Variants in MYO18B observed in about 807,000 individuals in gnomAD.
MYO18B encodes the protein myosin XVIIIB.
In MYO18B, 204 loss-of-function variants were observed where a neutral mutation model predicts 273.0. The observed-to-expected ratio is 0.75, with a 90% confidence interval of 0.67 to 0.84. MYO18B has a LOEUF of 0.84. Among genes scored for constraint, MYO18B ranks in the 40% least tolerant of loss-of-function variants. The pLI is 0.00. For synonymous variants in MYO18B, 1,330 were observed against 1,305.7 expected (o/e 1.02, Z -0.40); for missense variants, 3,212 against 3,287.6 (o/e 0.98, Z 0.56).
chr22:25,973,122 A>C lies in MYO18B; in HGVS notation c.6156+17758A>C, dbSNP rs754068873. ...CACTATCTACTTCCTATTGTTAAGC[A>C]TCACTTTCTTCTTGGTGCTTCCAGT... On this transcript the variant is annotated intron_variant, in intron 39 of 43. Coordinates refer to ENST00000335473, the MANE Select transcript of MYO18B (RefSeq NM_032608.7). Among the ~76,000 whole-genome samples the C allele has an allele frequency of 1.3e-5, 2 of 152,170 alleles. 1 individual carries two copies. The highest frequency in any genetic ancestry group is 4.1e-4 in the South Asian group (2 of 4,830).
intron 39 of MYO18B, among the ~76,000 whole-genome samples, chr22:25,965,501 C>T (rs2092968059): frequency 6.6e-6 from 1 of 152,188 alleles, no homozygotes; most frequent in Non-Finnish European, 1.5e-5. Flanking sequence ...GGATTCCTGG[C>T]TTGTAGTGTT....
At chr22:25,842,128 C>T (rs776925555) in intron 17 of MYO18B, among the ~76,000 whole-genome samples, 46 of 152,214 alleles carry the variant, frequency 3.0e-4, no homozygotes, top group Admixed American at 1.1e-3. Context: ...GCAGATGCCA[C>T]GCCCTTTACT....
chr22:25,877,805 T>C (rs1466357194), intron 24 of MYO18B, among the ~76,000 whole-genome samples, 154 bp from the exon 25 acceptor site: 1 of 152,174 alleles, frequency 6.6e-6, no homozygotes, highest in East Asian at 1.9e-4. Context: ...AAATATACAG[T>C]GCACCATTAT....
At chr22:25,802,262 G>A (rs1260273668) in intron 12 of MYO18B, among the ~76,000 whole-genome samples, 7 of 152,126 alleles carry the variant, frequency 4.6e-5, no homozygotes, top group Admixed American at 3.9e-4. Context: ...ACAGGGCAAG[G>A]GATGGGGAGA....
At chr22:25,801,531 C>T (rs555893936) in intron 12 of MYO18B, among the ~76,000 whole-genome samples, 2 of 152,270 alleles carry the variant, frequency 1.3e-5, no homozygotes, top group South Asian at 4.1e-4. Flanking sequence ...CTGAAGGAGT[C>T]AGTGGCAAAA....
At chr22:25,979,562 T>C (rs1487356411) in intron 39 of MYO18B, among the ~76,000 whole-genome samples, 1 of 152,124 alleles carries the variant, frequency 6.6e-6, no homozygotes, top group Non-Finnish European at 1.5e-5. Context: ...TGGTATCAAC[T>C]TTGAGAAGGT....
rs184741131 is a variant in MYO18B, at chr22:25,880,695, A to G, written c.4314+2647A>G. Among the ~76,000 whole-genome samples the G allele has an allele frequency of 3.7e-4, 56 of 152,364 alleles. 1 individual carries two copies. Among genetic ancestry groups the G allele is most frequent in the Admixed American group, 2.7e-3 (42 of 15,306 alleles). On this transcript the variant is annotated intron_variant, in intron 25 of 43. Coordinates refer to ENST00000335473, the MANE Select transcript of MYO18B (RefSeq NM_032608.7). ...GGAAGGAGGGAAAGTCCCTGTCCTT[A>G]CACAAGGTCTCCAGGCCGATAGAGG...
At chr22:25,983,037 G>C (rs1395755066) in intron 39 of MYO18B, among the ~76,000 whole-genome samples, 1 of 152,126 alleles carries the variant, frequency 6.6e-6, no homozygotes, top group Non-Finnish European at 1.5e-5. Context: ...TACAGAATAG[G>C]GATCTGTAAT....
At chr22:25,869,526 C>G (rs1440006963) in intron 22 of MYO18B, among the ~76,000 whole-genome samples, 7 of 148,216 alleles carry the variant, frequency 4.7e-5, no homozygotes, top group Admixed American at 6.7e-5. Flanking sequence ...TGGAGAGGAA[C>G]AGACCAAAAG....
chr22:25,939,206 GGTAACCCA>G (rs1481898457), intron 34 of MYO18B, among the ~76,000 whole-genome samples: 1 of 152,194 alleles, frequency 6.6e-6, no homozygotes, highest in African/African-American at 2.4e-5. Flanking sequence ...GGTTTTGGGT[GGTAACCCA>G]GTTCAAATTG....
At chr22:26,001,690 C>G (rs1383312646) in intron 40 of MYO18B, among the ~76,000 whole-genome samples, 1 of 152,096 alleles carries the variant, frequency 6.6e-6, no homozygotes, top group African/African-American at 2.4e-5. Context: ...CAGAGTGGGT[C>G]AGAGAGCAGG....
At chr22:25,817,411 C>T (rs902699464) in intron 12 of MYO18B, among the ~76,000 whole-genome samples, 1 of 141,702 alleles carries the variant, frequency 7.1e-6, no homozygotes, top group Non-Finnish European at 1.5e-5. Context: ...TCCTTCCTCC[C>T]TCCCTCTTTT....
At chr22:25,797,043 C>G (rs907822425) in intron 11 of MYO18B, among the ~76,000 whole-genome samples, 2 of 152,178 alleles carry the variant, frequency 1.3e-5, no homozygotes. Flanking sequence ...GCCTGGCCAA[C>G]GTGGTGAAAC....
intron 40 of MYO18B, among the ~76,000 whole-genome samples, chr22:25,997,978 C>CGAGAGAGAGAGAGAGA (rs5844669): frequency 0.014 from 1,964 of 144,520 alleles, 19 homozygotes; most frequent in Non-Finnish European, 0.021. Flanking sequence ...CACACACACA[C>CGAGAGAGAGAGAGAGA]GAGAGAGAGA....
the MYO18B span, among the ~76,000 whole-genome samples, chr22:26,053,370 A>G: frequency 6.6e-6 from 1 of 152,110 alleles, no homozygotes. Context: ...TACTATACCT[A>G]TTTTACAGAG....
the MYO18B span, among the ~76,000 whole-genome samples, chr22:26,060,106 C>T: frequency 6.6e-6 from 1 of 152,232 alleles, no homozygotes; most frequent in Non-Finnish European, 1.5e-5. Context: ...ACATCCCCAG[C>T]GTCCTTTAGT....
In MYO18B at chr22:25,876,464, TG is replaced by T. The variant is rs1413456682; in HGVS notation, c.4224+133del. ...GGAATGCTCAGCCCAACAGCCTTGATGCCCCTTCCAGATGTTCCTCTGCCTC... is the reference window on the plus strand; with the variant it reads ...GGAATGCTCAGCCCAACAGCCTTGATCCCCTTCCAGATGTTCCTCTGCCTC... On this transcript the variant is annotated intron_variant, in intron 24 of 43. Coordinates refer to ENST00000335473, the MANE Select transcript of MYO18B (RefSeq NM_032608.7). The T allele has an allele frequency of 4.1e-6, 4 of 985,530 alleles. No homozygotes were observed. In the East Asian group the frequency reaches 8.6e-5, roughly 21 times the overall value. 61.0% of individuals were successfully genotyped at this position (985,530 alleles called of 1,614,324 possible). A position where few individuals can be genotyped will look rare whatever the true frequency, so the allele number is the denominator to read the frequency against.
intron 34 of MYO18B, among the ~76,000 whole-genome samples, chr22:25,923,799 G>A (rs747888487): frequency 2.6e-5 from 4 of 152,136 alleles, no homozygotes; most frequent in African/African-American, 4.8e-5. Flanking sequence ...CAGTGCCACA[G>A]CACCCAAGCT....
intron 15 of MYO18B, among the ~76,000 whole-genome samples, chr22:25,831,525 G>A (rs1416503392): frequency 6.6e-6 from 1 of 152,158 alleles, no homozygotes; most frequent in Admixed American, 6.5e-5. Context: ...TGGGATTACA[G>A]GCACCTGCCA....
Sources: allele counts gnomAD v4.1 joint callset (sites outside exome capture counted in the v4.1 genomes callset), GRCh38; gene constraint gnomAD v4.1.1; transcripts MANE v1.5; gene names NCBI Gene and HGNC (gene_info 2026-07-23, HGNC 2026-07-21).